PTPN9: variants seen among roughly 807,000 people sequenced by gnomAD.
PTPN9 encodes the protein protein tyrosine phosphatase non-receptor type 9, also known as tyrosine-protein phosphatase non-receptor type 9.
Under a neutral mutation model 69.8 loss-of-function variants are expected in PTPN9, and 26 were observed. That is an observed-to-expected ratio of 0.37 (90% CI 0.27 to 0.52). The LOEUF (loss-of-function observed/expected upper bound fraction) is 0.52. Ranked by LOEUF, PTPN9 falls within the 20% of genes least tolerant of loss-of-function variation. The pLI is 0.91. For missense variants in PTPN9, 549 were observed against 740.3 expected, an observed-to-expected ratio of 0.74 and a Z score of 3.00; for synonymous variants, 274 against 272.5, an observed-to-expected ratio of 1.01 and a Z score of -0.05.
At chr15:75,528,114 C>G (rs564520222) in intron 1 of PTPN9, among the ~76,000 whole-genome samples, 53 of 152,272 alleles carry the variant, frequency 3.5e-4, no homozygotes, top group Non-Finnish European at 6.2e-4. Context: ...CCTCTTCATG[C>G]TTTATATGGC....
intron 1 of PTPN9, among the ~76,000 whole-genome samples, chr15:75,530,995 A>G (rs939087683): frequency 2.8e-5 from 4 of 142,120 alleles, no homozygotes; most frequent in African/African-American, 1.0e-4. Flanking sequence ...CATAATAGCA[A>G]TGACCTACTT....
intron 1 of PTPN9, among the ~76,000 whole-genome samples, chr15:75,554,606 T>A: frequency 6.6e-6 from 1 of 150,510 alleles, no homozygotes; most frequent in Non-Finnish European, 1.5e-5. Flanking sequence ...GAATTACATG[T>A]TTGAGCCACC....
chr15:75,468,172 G>C lies in PTPN9; in HGVS notation c.*597C>G, dbSNP rs140736495. ...AGTATCGTGTGTATATGTATTTATA[G>C]AATACGATCATATTATCACATACAA... is the stretch of plus-strand genomic sequence containing the variant. On this transcript the variant is annotated 3_prime_UTR_variant, in exon 13 of 13. Transcript: ENST00000618819. 4 of 152,904 alleles carry C rather than the reference G, an allele frequency of 2.6e-5. No individual in the cohort carries two copies. The East Asian group carries it at 7.7e-4, about 30-fold the overall frequency. 9.5% of individuals were successfully genotyped at this position (152,904 alleles called of 1,614,324 possible). A position where few individuals can be genotyped will look rare whatever the true frequency, so the allele number is the denominator to read the frequency against.
At chr15:75,568,376 T>A (rs1169440959) in intron 1 of PTPN9, among the ~76,000 whole-genome samples, 1 of 151,402 alleles carries the variant, frequency 6.6e-6, no homozygotes. Context: ...GGTGTGGTGG[T>A]GCACGCTTTT....
rs182981734 is a variant in PTPN9, at chr15:75,556,218, C to A, written c.63+22496G>T. ...AGCTGGGATTACAGGCGCCCACCAC[C>A]ACGCTTGGCTAATTTTTGTATTTTT... On this transcript the variant is annotated intron_variant, in intron 1 of 12. Coordinates refer to ENST00000618819, the MANE Select transcript of PTPN9 (RefSeq NM_002833.4). Among the ~76,000 whole-genome samples, 664 of 151,268 alleles carry A rather than the reference C, an allele frequency of 4.4e-3. 6 individuals are homozygous for A. The highest frequency in any genetic ancestry group is 0.014 in the African/African-American group (592 of 41,166).
intron 8 of PTPN9, among the ~76,000 whole-genome samples, chr15:75,488,386 G>A (rs765630473): frequency 3.3e-5 from 5 of 150,894 alleles, no homozygotes; most frequent in South Asian, 2.1e-4. Context: ...TGGGTTTTTC[G>A]GAGATATCAC....
At chr15:75,531,245 T>C (rs1379537506) in intron 1 of PTPN9, among the ~76,000 whole-genome samples, 1 of 151,686 alleles carries the variant, frequency 6.6e-6, no homozygotes, top group East Asian at 1.9e-4. Flanking sequence ...GCTTACACCA[T>C]TGGAGAAGGA....
Position 75,465,983 on chromosome 15 carries a change from A to G in PTPN9, c.*2786T>C, listed in dbSNP as rs2074535076. 1 of 152,340 alleles carries G rather than the reference A, an allele frequency of 6.6e-6. No homozygotes were observed. The highest frequency in any genetic ancestry group is 1.5e-5 in the Non-Finnish European group (1 of 68,022). 9.4% of individuals were successfully genotyped at this position (152,340 alleles called of 1,614,324 possible). A position where few individuals can be genotyped will look rare whatever the true frequency, so the allele number is the denominator to read the frequency against. On this transcript the variant is annotated 3_prime_UTR_variant, in exon 13 of 13. Transcript: ENST00000618819. ...TGCACTCCCAAGAGAATGGAGGCTCATCTGGAGAAGGAACTAGATTAATCT... is the reference window on the plus strand; with the variant it reads ...TGCACTCCCAAGAGAATGGAGGCTCGTCTGGAGAAGGAACTAGATTAATCT...
intron 7 of PTPN9, 82 bp downstream of exon 7, chr15:75,505,593 G>A (rs149242137): frequency 2.9e-6 from 3 of 1,028,270 alleles, no homozygotes; most frequent in South Asian, 2.9e-5. Flanking sequence ...TGCTAAGCAA[G>A]TGAGGGGTGG....
At chr15:75,483,855 C>T (rs1280355215) in intron 8 of PTPN9, among the ~76,000 whole-genome samples, 1 of 152,150 alleles carries the variant, frequency 6.6e-6, no homozygotes, top group Non-Finnish European at 1.5e-5. Flanking sequence ...AGGGCAGTCA[C>T]GACCCAGGCA....
chr15:75,508,865 G>A (rs1567492699), intron 6 of PTPN9, 52 bp downstream of exon 6: 5 of 1,343,320 alleles, frequency 3.7e-6, no homozygotes, highest in Non-Finnish European at 5.3e-6. Flanking sequence ...TAATTGGCAG[G>A]AATTCACTGT....
chr15:75,484,636 A>G (rs2074663400), intron 8 of PTPN9, among the ~76,000 whole-genome samples: 1 of 152,230 alleles, frequency 6.6e-6, no homozygotes, highest in South Asian at 2.1e-4. Flanking sequence ...ATGTTATAGT[A>G]TAACTAGTTG....
chr15:75,502,409 T>C (rs368527036), intron 7 of PTPN9, among the ~76,000 whole-genome samples: 1 of 151,224 alleles, frequency 6.6e-6, no homozygotes, highest in South Asian at 2.1e-4. Flanking sequence ...GATCGTGCCA[T>C]TGCACTCCAG....
At chr15:75,501,626 G>T (rs754163711) in intron 7 of PTPN9, among the ~76,000 whole-genome samples, 2 of 151,740 alleles carry the variant, frequency 1.3e-5, no homozygotes, top group South Asian at 4.2e-4. Flanking sequence ...TAATTTTTTC[G>T]TTTTTTATTT....
intron 8 of PTPN9, chr15:75,487,335 A>C (rs1215343332): frequency 6.6e-6 from 1 of 151,596 alleles, no homozygotes; most frequent in Non-Finnish European, 1.5e-5. Flanking sequence ...TGTCAAAAAA[A>C]CTAAAAACTA....
chr15:75,561,430 A>C (rs2141340989), intron 1 of PTPN9, among the ~76,000 whole-genome samples: 1 of 152,318 alleles, frequency 6.6e-6, no homozygotes, highest in South Asian at 2.1e-4. Flanking sequence ...GAAAAGGAAA[A>C]AAAAAAATGG....
chr15:75,526,447 A>AT (rs1010116837), intron 2 of PTPN9, among the ~76,000 whole-genome samples: 77 of 146,858 alleles, frequency 5.2e-4, no homozygotes, highest in Non-Finnish European at 4.4e-4. Flanking sequence ...TGTTATCCCA[A>AT]TTTTTTTTTT....
chr15:75,569,347 TAA>T (rs2075139098), intron 1 of PTPN9, among the ~76,000 whole-genome samples: 1 of 152,116 alleles, frequency 6.6e-6, no homozygotes, highest in South Asian at 2.1e-4. Context: ...AATAAAGGCA[TAA>T]AAGTCAGAAA....
In PTPN9 at chr15:75,578,821, C is replaced by G. The variant is rs1017314240; in HGVS notation, c.-45G>C. On this transcript the variant is annotated 5_prime_UTR_variant, in exon 1 of 13. Coordinates refer to ENST00000618819, the MANE Select transcript of PTPN9 (RefSeq NM_002833.4). ...GGCGGACAAAACTCGCTCGCGAGCG[C>G]GGGAGCCCGGCGCGCTCGGCCTCCG... The G allele has an allele frequency of 8.5e-7, 1 of 1,182,328 alleles. No homozygotes were observed. The highest frequency in any genetic ancestry group is 4.5e-5 in the Admixed American group (1 of 22,286). 73.2% of individuals were successfully genotyped at this position (1,182,328 alleles called of 1,614,324 possible).
Sources: gnomAD v4.1 joint callset for allele counts (sites outside exome capture counted in the v4.1 genomes callset) on GRCh38, gnomAD v4.1.1 for gene constraint, MANE v1.5 for transcripts, NCBI Gene and HGNC (gene_info 2026-07-23, HGNC 2026-07-21) for gene names.